GNL3: variants seen among roughly 807,000 people sequenced by gnomAD.
The protein encoded by GNL3 is G protein nucleolar 3, also known as guanine nucleotide-binding protein-like 3.
GNL3 carries 77 observed loss-of-function variants against 70.6 expected under a neutral mutation model. That is an observed-to-expected ratio of 1.09 (90% CI 0.91 to 1.32). The LOEUF (loss-of-function observed/expected upper bound fraction) is 1.32. Among genes scored for constraint, GNL3 ranks in the 40% most tolerant of loss-of-function variants. The probability of loss-of-function intolerance (pLI) is 0.00; values close to 1 mark genes in which losing one functional copy is unlikely to be tolerated. For missense variants in GNL3, 634 were observed against 644.0 expected (o/e 0.98, Z 0.17); for synonymous variants, 252 against 216.1 (o/e 1.17, Z -1.46).
At chr3:52,688,288 C>A in intron 5 of GNL3, 96 bp downstream of exon 5, 2 of 735,490 alleles carry the variant, frequency 2.7e-6, no homozygotes, top group South Asian at 1.5e-5. Flanking sequence ...GGTGCATGTG[C>A]AGGTTTGTTA....
chr3:52,688,957 C>T (rs1040836681), intron 5 of GNL3, 117 bp from the exon 6 acceptor site: 7 of 792,800 alleles, frequency 8.8e-6, no homozygotes, highest in African/African-American at 5.1e-5. Context: ...TGAGCTCACC[C>T]TGTTGCTAAA....
chr3:52,690,686 T>C lies in GNL3; in HGVS notation c.636T>C (p.Asp212=). ...TCAGAGCCTCAACAAAACCAAAGGA[T>C]AAAGGGAAGATAACCAAGGTATCCT... ...VVFRASTKPK[D]KGKITKRVKA... is the part of the protein sequence containing the mutation. Residue 212 remains aspartate (D), a synonymous_variant, in exon 7 of 15, where the codon GAT becomes GAC. Coordinates refer to ENST00000418458, the MANE Select transcript of GNL3 (RefSeq NM_014366.5). 1 of 1,587,412 alleles carries C rather than the reference T, an allele frequency of 6.3e-7. No homozygotes were observed. Among genetic ancestry groups the C allele is most frequent in the East Asian group, 2.2e-5 (1 of 44,778 alleles).
At chr3:52,693,364 A>C (rs752710127) in intron 11 of GNL3, 35 bp downstream of exon 11, 1 of 1,613,980 alleles carries the variant, frequency 6.2e-7, no homozygotes, top group Non-Finnish European at 8.5e-7. Flanking sequence ...TTTGGTGACC[A>C]CTAGAATAAA....
At position 52,687,315 on chromosome 3, in the gene GNL3, CCAGGAG is replaced by C. The variant is rs1553910431; in HGVS notation, c.143_148del (p.Pro48_Val50delinsLeu). ...GGGTCACAAGAAGCCTAGGAAAGAC[CCAGGAG>C]TTCCAAACAGTGCTCCCTTTAAGGA... On this transcript the variant is annotated inframe_deletion, in exon 3 of 15. Coordinates refer to ENST00000418458, the MANE Select transcript of GNL3 (RefSeq NM_014366.5). The C allele has an allele frequency of 6.2e-7, 1 of 1,612,608 alleles. No individual in the cohort carries two copies. Among genetic ancestry groups the C allele is most frequent in the Non-Finnish European group, 8.5e-7 (1 of 1,178,784 alleles).
At chr3:52,693,995 A>C (rs771986704) in intron 13 of GNL3, 42 bp from the exon 14 acceptor site, 1 of 1,525,012 alleles carries the variant, frequency 6.6e-7, no homozygotes, top group South Asian at 1.1e-5. Context: ...AAATGAGCAG[A>C]CAAGGGCTAC....
intron 1 of GNL3, 130 bp downstream of exon 1, chr3:52,686,235 G>A (rs1348051131): frequency 1.1e-6 from 1 of 930,830 alleles, no homozygotes; most frequent in Non-Finnish European, 1.7e-6. Flanking sequence ...GTAGGCCTTG[G>A]CCCTATTTCC....
chr3:52,692,933 G>GT lies in GNL3; in HGVS notation c.932dup (p.Ser312IlefsTer4). On this transcript the variant is annotated frameshift_variant, in exon 10 of 15. Coordinates refer to ENST00000418458, the MANE Select transcript of GNL3 (RefSeq NM_014366.5). LOFTEE classifies it high-confidence loss of function. Reference sequence around the variant, plus strand: ...AATCATAGATAGTCCGAGCTTCATCGTATCTCCACTTAATTCCTCCTCTGC... The same window carrying GT: ...AATCATAGATAGTCCGAGCTTCATCGTTATCTCCACTTAATTCCTCCTCTGC... The GT allele has an allele frequency of 6.2e-7, 1 of 1,613,302 alleles. No homozygotes were observed. The highest frequency in any genetic ancestry group is 8.5e-7 in the Non-Finnish European group (1 of 1,179,326).
In GNL3 at chr3:52,686,353, G is replaced by T. The variant is rs187593179; in HGVS notation, c.13+248G>T. 2.8e-4 allele frequency: 164 copies of T among 591,684 alleles called. No individual in the cohort carries two copies. In the African/African-American group the frequency reaches 2.9e-3, roughly 11 times the overall value. 36.7% of individuals were successfully genotyped at this position (591,684 alleles called of 1,614,324 possible). ...GTGGGGAAGACTAGGCTAGATTTTC[G>T]TAAGGAAGCAGCGTCTGAGCCAGGT... is the stretch of plus-strand genomic sequence containing the variant. On this transcript the variant is annotated intron_variant, in intron 1 of 14. Transcript: ENST00000418458.
In GNL3 at chr3:52,689,178, A is replaced by G; in HGVS notation, c.513A>G (p.Lys171=). Residue 171 remains lysine (K), a synonymous_variant, in exon 6 of 15, where the codon AAA becomes AAG. Coordinates refer to ENST00000418458, the MANE Select transcript of GNL3 (RefSeq NM_014366.5). ...VEEAIVQSGQ[K]KLVLILNKSD... ...AGGCCATTGTCCAGAGTGGACAGAA[A>G]AAGCTGGTACTTATATTAAATAAAT... The G allele has an allele frequency of 6.2e-7, 1 of 1,613,542 alleles. No homozygotes were observed. The highest frequency in any genetic ancestry group is 8.5e-7 in the Non-Finnish European group (1 of 1,179,444).
Position 52,693,800 on chromosome 3 carries a change from A to T in GNL3, c.1493A>T (p.Glu498Val), listed in dbSNP as rs2097329863. 1 of 1,612,222 alleles carries T rather than the reference A, an allele frequency of 6.2e-7. No individual in the cohort carries two copies. Among genetic ancestry groups the T allele is most frequent in the Non-Finnish European group, 8.5e-7 (1 of 1,178,372 alleles). The change falls in exon 13 of 15, where the codon GAA becomes GTA. Residue 498 changes from glutamate to valine, a missense_variant. Transcript: ENST00000418458. ...KDSDQETVDE[E>V]VDENSSGMFA... ...AGTGACCAGGAAACTGTTGATGAAGAAGTTGATGTAAGTGTGTCCTCCATG... is the reference window on the plus strand; with the variant it reads ...AGTGACCAGGAAACTGTTGATGAAGTAGTTGATGTAAGTGTGTCCTCCATG...
At chr3:52,693,578 C>T (rs1181372919) in intron 12 of GNL3, 34 bp downstream of exon 12, 3 of 1,613,802 alleles carry the variant, frequency 1.9e-6, no homozygotes, top group African/African-American at 2.7e-5. Context: ...TCTTCATCAG[C>T]TGACAGGCCA....
intron 4 of GNL3, 38 bp from the exon 5 acceptor site, chr3:52,688,068 TCTA>T: frequency 8.9e-7 from 1 of 1,125,990 alleles, no homozygotes; most frequent in South Asian, 1.2e-5. Flanking sequence ...TTACAGTTGC[TCTA>T]CTTCTAATTT....
intron 6 of GNL3, among the ~76,000 whole-genome samples, chr3:52,689,529 G>A (rs375921403): frequency 6.6e-6 from 1 of 152,120 alleles, no homozygotes; most frequent in South Asian, 2.1e-4. Context: ...ACACAATGTC[G>A]GGTATTAGTT....
chr3:52,687,815 C>T (rs1004621323), intron 4 of GNL3, 200 bp downstream of exon 4: 2 of 595,492 alleles, frequency 3.4e-6, no homozygotes, highest in African/African-American at 3.7e-5. Flanking sequence ...TTAGCAGACA[C>T]GGGCTTTCAC....
At chr3:52,688,263 C>A in intron 5 of GNL3, 71 bp downstream of exon 5, 2 of 894,696 alleles carry the variant, frequency 2.2e-6, no homozygotes, top group South Asian at 1.3e-5. Flanking sequence ...TTTTTTTTAA[C>A]CTTTTAAGAT....
chr3:52,688,566 T>C (rs904835262), intron 5 of GNL3, among the ~76,000 whole-genome samples: 1 of 151,900 alleles, frequency 6.6e-6, no homozygotes, highest in East Asian at 1.9e-4. Flanking sequence ...AAAAAAAACG[T>C]TGACATAGTG....
intron 6 of GNL3, 66 bp from the exon 7 acceptor site, chr3:52,690,526 G>T: frequency 1.2e-6 from 1 of 860,010 alleles, no homozygotes. Flanking sequence ...GCCTCCCAAA[G>T]TGCTGGGATT....
rs1047557282 is a variant in GNL3, at chr3:52,686,177, C to T, written c.13+72C>T. On this transcript the variant is annotated intron_variant, in intron 1 of 14. Transcript: ENST00000418458. ...TTGCTGCAGCCACCACGACGCTCTT[C>T]TACGGCTACGGCTTTGTCTCTGCTG... is the stretch of plus-strand genomic sequence containing the variant. 36 of 1,528,174 alleles carry T rather than the reference C, an allele frequency of 2.4e-5. No homozygotes were observed. The African/African-American group carries it at 3.1e-4, about 13-fold the overall frequency. The allele number at this position is 1,528,174 out of a possible 1,614,324, so 94.7% of individuals were successfully genotyped here. A position where few individuals can be genotyped will look rare whatever the true frequency, so the allele number is the denominator to read the frequency against.
At chr3:52,692,711 G>C in intron 9 of GNL3, 161 bp from the exon 10 acceptor site, 1 of 764,502 alleles carries the variant, frequency 1.3e-6, no homozygotes, top group South Asian at 1.4e-5. Flanking sequence ...TAGAACAGTC[G>C]GGTATGCTGT....
Sources: gnomAD v4.1 joint callset for allele counts (sites outside exome capture counted in the v4.1 genomes callset) on GRCh38, gnomAD v4.1.1 for gene constraint, MANE v1.5 for transcripts, NCBI Gene and HGNC (gene_info 2026-07-23, HGNC 2026-07-21) for gene names.